ADAMTS9: variants seen among roughly 807,000 people sequenced by gnomAD.
ADAMTS9 encodes ADAM metallopeptidase with thrombospondin type 1 motif 9.
ADAMTS9 carries 107 observed loss-of-function variants against 257.1 expected under a neutral mutation model. The ratio of observed to expected loss-of-function variants is 0.42; its 90% CI spans 0.36 to 0.49. The LOEUF (loss-of-function observed/expected upper bound fraction) is 0.49, where lower values mean the gene tolerates loss of function less well. ADAMTS9 is among the 20% of genes least tolerant of loss of function. The pLI, the probability that ADAMTS9 is intolerant of heterozygous loss-of-function variation, is 0.03. For missense variants in ADAMTS9, 2,353 were observed against 2,469.1 expected, an observed-to-expected ratio of 0.95 and a Z score of 1.00; for synonymous variants, 982 against 880.9, an observed-to-expected ratio of 1.11 and a Z score of -2.03.
At chr3:64,648,456 C>G (rs533419968) in intron 10 of ADAMTS9, among the ~76,000 whole-genome samples, 1 of 152,338 alleles carries the variant, frequency 6.6e-6, no homozygotes, top group African/African-American at 2.4e-5. Flanking sequence ...CTGCACCATA[C>G]TGACATATCC....
chr3:64,588,643 T>G (rs1217741425), intron 28 of ADAMTS9: 1 of 152,108 alleles, frequency 6.6e-6, no homozygotes. Flanking sequence ...GGAGAGGACC[T>G]GGACTCCTCC....
At chr3:64,546,242 T>A (rs2083197196) in intron 32 of ADAMTS9, among the ~76,000 whole-genome samples, 1 of 147,414 alleles carries the variant, frequency 6.8e-6, no homozygotes, top group Non-Finnish European at 1.5e-5. Flanking sequence ...GCATTTAAGA[T>A]TTTTTTTTTT....
chr3:64,651,174 T>A lies in ADAMTS9; in HGVS notation c.1317-11A>T, dbSNP rs1447720132. On this transcript the variant is annotated splice_polypyrimidine_tract_variant and intron_variant, in intron 8 of 39. Transcript: ENST00000498707. Reference sequence around the variant, plus strand: ...TGAGGCATGTTAAACCTAAAGCCAATGAGACAATGATGAGAATGTCAATAA... The same window carrying A: ...TGAGGCATGTTAAACCTAAAGCCAAAGAGACAATGATGAGAATGTCAATAA... 1.3e-6 allele frequency: 2 copies of A among 1,559,946 alleles called. No homozygotes were observed. Among genetic ancestry groups the A allele is most frequent in the African/African-American group, 2.8e-5 (2 of 71,158 alleles).
At chr3:64,609,820 C>T (rs2084632623) in intron 22 of ADAMTS9, among the ~76,000 whole-genome samples, 1 of 152,000 alleles carries the variant, frequency 6.6e-6, no homozygotes, top group Admixed American at 6.6e-5. Context: ...CCCAAATAGC[C>T]AAAATGATAT....
chr3:64,631,851 A>G lies in ADAMTS9; in HGVS notation c.2250T>C (p.Ser750=), dbSNP rs901937817. 3.1e-6 allele frequency: 5 copies of G among 1,613,940 alleles called. No homozygotes were observed. The African/African-American group carries it at 6.7e-5, about 22-fold the overall frequency. Residue 750 remains serine, a synonymous_variant, in exon 15 of 40, where the codon TCT becomes TCC. Transcript: ENST00000498707. ...DKCGVCGGDN[S]SCKTVAGTFN... ...ATGTTCCTGCCACTGTTTTGCATGA[A>G]GAATTATCGCCACCACAAACCCCAC...
chr3:64,567,989 C>CTG (rs1391376428), intron 29 of ADAMTS9, among the ~76,000 whole-genome samples: 1 of 152,128 alleles, frequency 6.6e-6, no homozygotes, highest in Non-Finnish European at 1.5e-5. Context: ...CCAAGATAAA[C>CTG]TGAGACTCAA....
chr3:64,569,827 T>C (rs967385779), intron 28 of ADAMTS9, among the ~76,000 whole-genome samples: 4 of 152,202 alleles, frequency 2.6e-5, no homozygotes, highest in African/African-American at 9.6e-5. Context: ...ATATTATGAT[T>C]TGGAGTAGTC....
chr3:64,680,622 T>C (rs1268291611), intron 3 of ADAMTS9, among the ~76,000 whole-genome samples: 2 of 152,138 alleles, frequency 1.3e-5, no homozygotes, highest in African/African-American at 4.8e-5. Flanking sequence ...AGTGGGCACA[T>C]AGGATTTGAC....
intron 38 of ADAMTS9, among the ~76,000 whole-genome samples, chr3:64,531,607 C>CTT (rs2082982279): frequency 4.6e-5 from 7 of 152,162 alleles, no homozygotes; most frequent in African/African-American, 1.7e-4. Flanking sequence ...GCTGGGACTA[C>CTT]AGGCATGCAC....
chr3:64,530,582 C>A (rs2082968293), intron 38 of ADAMTS9, among the ~76,000 whole-genome samples: 1 of 151,764 alleles, frequency 6.6e-6, no homozygotes, highest in Non-Finnish European at 1.5e-5. Context: ...CCAGCTCCCT[C>A]CAGCCCAGGC....
chr3:64,625,076 G>A (rs529286959), intron 16 of ADAMTS9, among the ~76,000 whole-genome samples: 1 of 152,260 alleles, frequency 6.6e-6, no homozygotes, highest in African/African-American at 2.4e-5. Flanking sequence ...GCCCTTGAAA[G>A]ATACAGGCCA....
intron 37 of ADAMTS9, among the ~76,000 whole-genome samples, chr3:64,538,003 T>G (rs2083071440): frequency 6.6e-6 from 1 of 152,194 alleles, no homozygotes; most frequent in African/African-American, 2.4e-5. Flanking sequence ...GAAAGATTGC[T>G]GCTGAGTGGC....
At chr3:64,638,031 A>T (rs1353798369) in intron 12 of ADAMTS9, among the ~76,000 whole-genome samples, 15 of 152,222 alleles carry the variant, frequency 9.9e-5, no homozygotes. Flanking sequence ...ATATGTCTTA[A>T]ATATGTTTTT....
chr3:64,610,507 T>A (rs561462661), intron 22 of ADAMTS9, among the ~76,000 whole-genome samples: 4 of 34,760 alleles, frequency 1.2e-4, no homozygotes, highest in African/African-American at 1.6e-3. Context: ...CAATTCATAT[T>A]TTTTTTTAAA....
At chr3:64,615,899 G>A in intron 20 of ADAMTS9, 61 bp downstream of exon 20, 1 of 1,593,934 alleles carries the variant, frequency 6.3e-7, no homozygotes, top group Non-Finnish European at 8.6e-7. Context: ...CACCTGCAAG[G>A]AGCCACCATC....
chr3:64,539,771 A>C (rs1386306123), intron 36 of ADAMTS9, among the ~76,000 whole-genome samples: 2 of 152,204 alleles, frequency 1.3e-5, no homozygotes, highest in Non-Finnish European at 2.9e-5. Flanking sequence ...CCTAGGCAGT[A>C]TTATTGCCAA....
chr3:64,597,877 G>A (rs1051172323), intron 26 of ADAMTS9, among the ~76,000 whole-genome samples: 1 of 152,046 alleles, frequency 6.6e-6, no homozygotes. Flanking sequence ...TAATCATCTG[G>A]TCCTCAAAGC....
intron 36 of ADAMTS9, among the ~76,000 whole-genome samples, chr3:64,539,799 A>G (rs1352712105): frequency 2.6e-5 from 4 of 151,912 alleles, no homozygotes; most frequent in African/African-American, 9.7e-5. Context: ...CGCAATTAGA[A>G]CCCCCATCTT....
At chr3:64,572,619 G>T (rs529570375) in intron 28 of ADAMTS9, among the ~76,000 whole-genome samples, 1 of 152,298 alleles carries the variant, frequency 6.6e-6, no homozygotes, top group South Asian at 2.1e-4. Context: ...TGCTGAGGCT[G>T]CCAAGGACCT....
Sources: allele counts gnomAD v4.1 joint callset (sites outside exome capture counted in the v4.1 genomes callset), GRCh38; gene constraint gnomAD v4.1.1; transcripts MANE v1.5; gene names NCBI Gene and HGNC (gene_info 2026-07-23, HGNC 2026-07-21).